The following RIMS2 variants were observed in gnomAD, a reference collection of about 807,000 sequenced individuals.
RIMS2 encodes the protein regulating synaptic membrane exocytosis 2, also known as regulating synaptic membrane exocytosis protein 2.
A neutral mutation model predicts 174.4 loss-of-function variants in RIMS2; 59 were observed. The observed-to-expected ratio is 0.34, with a 90% CI of 0.27 to 0.42. The LOEUF (loss-of-function observed/expected upper bound fraction) is 0.42, where lower values mean the gene tolerates loss of function less well. RIMS2 is among the 10% of genes least tolerant of loss of function. RIMS2 has a pLI of 1.00. For missense variants in RIMS2, 1,620 were observed against 1,666.3 expected (o/e 0.97, Z 0.48); for synonymous variants, 606 against 572.5 (o/e 1.06, Z -0.84).
intron 3 of RIMS2, among the ~76,000 whole-genome samples, chr8:103,829,977 T>C: frequency 6.6e-6 from 1 of 152,304 alleles, no homozygotes; most frequent in East Asian, 1.9e-4. Context: ...CTCAATATGG[T>C]CAGTTATGTT....
chr8:103,975,904 A>G (rs1193434715), intron 16 of RIMS2: 1 of 154,708 alleles, frequency 6.5e-6, no homozygotes, highest in African/African-American at 2.4e-5. Flanking sequence ...AAGCCAGAAA[A>G]CTTAGCAAGC....
At chr8:104,052,836 T>TA (rs936783862) in intron 19 of RIMS2, among the ~76,000 whole-genome samples, 24 of 151,694 alleles carry the variant, frequency 1.6e-4, no homozygotes, top group African/African-American at 5.8e-4. Flanking sequence ...TGGAATTAAA[T>TA]AAAAAAACAC....
At chr8:104,255,181 T>G (rs1169344789), downstream of RIMS2, 1 of 152,118 alleles carries the variant, frequency 6.6e-6, no homozygotes, top group African/African-American at 2.4e-5. Flanking sequence ...TCCCCCTATC[T>G]GTCCCATATA....
chr8:103,712,275 G>T (rs2097315633), intron 2 of RIMS2, among the ~76,000 whole-genome samples: 1 of 150,828 alleles, frequency 6.6e-6, no homozygotes, highest in Non-Finnish European at 1.5e-5. Context: ...GCCTCCCAAA[G>T]TGCTTGGATT....
chr8:104,210,555 C>T (rs1263182331), intron 19 of RIMS2, among the ~76,000 whole-genome samples: 1 of 152,180 alleles, frequency 6.6e-6, no homozygotes, highest in African/African-American at 2.4e-5. Flanking sequence ...TTATTCCTCT[C>T]CTGATCTCTA....
chr8:104,141,906 CTTA>C (rs1364107729), intron 19 of RIMS2, among the ~76,000 whole-genome samples: 1 of 152,044 alleles, frequency 6.6e-6, no homozygotes, highest in Non-Finnish European at 1.5e-5. Context: ...TTTATTCCAT[CTTA>C]TTTTCTTCAG....
chr8:104,008,501 G>T (rs949241773), intron 17 of RIMS2, among the ~76,000 whole-genome samples: 14 of 151,382 alleles, frequency 9.2e-5, no homozygotes, highest in Non-Finnish European at 1.9e-4. Flanking sequence ...GTGTGTGTGT[G>T]TGTGTGTGTT....
intron 3 of RIMS2, among the ~76,000 whole-genome samples, chr8:103,835,170 C>T (rs1403046777): frequency 1.4e-5 from 2 of 147,242 alleles, no homozygotes; most frequent in African/African-American, 2.5e-5. Flanking sequence ...GGCGCGATCT[C>T]AGCTCACTGC....
chr8:103,879,054 G>C (rs539599086), intron 3 of RIMS2, among the ~76,000 whole-genome samples: 35 of 151,572 alleles, frequency 2.3e-4, no homozygotes, highest in African/African-American at 8.2e-4. Context: ...AACATGTTAA[G>C]AGTAAAGAGT....
At chr8:103,669,032 C>T (rs1466894051) in intron 1 of RIMS2, among the ~76,000 whole-genome samples, 13 of 152,054 alleles carry the variant, frequency 8.5e-5, no homozygotes, top group Admixed American at 1.3e-4. Flanking sequence ...TTCACGCTGC[C>T]GATGAAGATA....
At chr8:103,814,089 T>A (rs2098704543) in intron 3 of RIMS2, among the ~76,000 whole-genome samples, 1 of 152,140 alleles carries the variant, frequency 6.6e-6, no homozygotes, top group Non-Finnish European at 1.5e-5. Context: ...AGATTATGTT[T>A]TTTTGCAGGG....
chr8:104,164,137 C>CT (rs2098781739), intron 19 of RIMS2, among the ~76,000 whole-genome samples: 1 of 151,822 alleles, frequency 6.6e-6, no homozygotes, highest in East Asian at 1.9e-4. Context: ...TTTCTTGTCT[C>CT]TTTTTGTCTT....
At chr8:104,173,171 G>A (rs1181533998) in intron 19 of RIMS2, among the ~76,000 whole-genome samples, 1 of 152,094 alleles carries the variant, frequency 6.6e-6, no homozygotes, top group Admixed American at 6.5e-5. Flanking sequence ...CAATGTAAGT[G>A]TTTAAGACTA....
chr8:103,601,291 A>G (rs1197035324), intron 1 of RIMS2, among the ~76,000 whole-genome samples: 2 of 151,942 alleles, frequency 1.3e-5, no homozygotes, highest in Non-Finnish European at 2.9e-5. Context: ...CTATTATTTT[A>G]TTTGGGCCTC....
intron 3 of RIMS2, among the ~76,000 whole-genome samples, chr8:103,864,462 C>T (rs1055802188): frequency 2.0e-5 from 3 of 152,064 alleles, no homozygotes; most frequent in Non-Finnish European, 2.9e-5. Flanking sequence ...TAATTAGTTT[C>T]CAGGTACTTG....
chr8:104,057,542 A>C (rs1207671087), intron 19 of RIMS2, among the ~76,000 whole-genome samples: 1 of 151,930 alleles, frequency 6.6e-6, no homozygotes, highest in African/African-American at 2.4e-5. Flanking sequence ...AATAGTTTAG[A>C]TATCAGTTTC....
intron 3 of RIMS2, among the ~76,000 whole-genome samples, chr8:103,868,640 C>T (rs1228787224): frequency 6.6e-6 from 1 of 151,890 alleles, no homozygotes; most frequent in East Asian, 1.9e-4. Flanking sequence ...GTTTTTGAGA[C>T]AGTATTATGC....
rs76443807 is a variant in RIMS2 at position 104,082,548 on chromosome 8, A to T, written c.3334+67933A>T. ...ACAAGCCATGTTTAAGAAACAGCTA[A>T]TAGTTCTTTAGTGTGGAAATATACA... On this transcript the variant is annotated intron_variant, in intron 19 of 23. Coordinates refer to ENST00000504942, the Ensembl canonical transcript of RIMS2. Among the ~76,000 whole-genome samples, 157 of 152,262 alleles carry T rather than the reference A, an allele frequency of 1.0e-3. 1 individual carries two copies. The East Asian group carries it at 0.021, about 20-fold the overall frequency.
intron 19 of RIMS2, among the ~76,000 whole-genome samples, chr8:104,062,265 G>A (rs1036921152): frequency 2.0e-5 from 3 of 152,106 alleles, no homozygotes; most frequent in Non-Finnish European, 4.4e-5. Flanking sequence ...TTAGCTGGGC[G>A]TGGTGGTGCA....
Sources: allele counts gnomAD v4.1 joint callset (sites outside exome capture counted in the v4.1 genomes callset), GRCh38; gene constraint gnomAD v4.1.1; transcripts MANE v1.5; gene names NCBI Gene and HGNC (gene_info 2026-07-23, HGNC 2026-07-21).